ACAP2: variants seen among roughly 807,000 people sequenced by gnomAD.
ACAP2 encodes the protein ArfGAP with coiled-coil, ankyrin repeat and PH domains 2.
A neutral mutation model predicts 115.8 loss-of-function variants in ACAP2; 39 were observed. The ratio of observed to expected loss-of-function variants is 0.34; its 90% CI spans 0.26 to 0.44. The LOEUF (loss-of-function observed/expected upper bound fraction) is 0.44. Ranked by LOEUF, ACAP2 falls within the 20% of genes least tolerant of loss-of-function variation. The pLI, the probability that ACAP2 is intolerant of heterozygous loss-of-function variation, is 1.00. For synonymous variants in ACAP2, 289 were observed against 315.8 expected (o/e 0.92, Z 0.90); for missense variants, 662 against 927.6 (o/e 0.71, Z 3.72).
chr3:195,411,344 G>A (rs12497677), intron 1 of ACAP2, among the ~76,000 whole-genome samples: 3,331 of 152,200 alleles, frequency 0.022, 117 homozygotes, highest in East Asian at 0.1. Flanking sequence ...GTTCACAGCC[G>A]CATTATTCAC....
intron 6 of ACAP2, among the ~76,000 whole-genome samples, chr3:195,337,386 C>A (rs1049221872): frequency 1.3e-5 from 2 of 151,536 alleles, no homozygotes; most frequent in African/African-American, 4.9e-5. Flanking sequence ...ATGAATTAGT[C>A]TCTTCTCTGC....
In ACAP2 at chr3:195,333,033, C is replaced by T; in HGVS notation, c.664G>A (p.Ala222Thr). ...GAAATATACTGCAACATTACCTGTG[C>T]ACCAAGATCCTTCATGTAGGGTCCA... ...ELGPYMKDLGAQLDRLVVDAA... is the reference protein window; with the variant it reads ...ELGPYMKDLGTQLDRLVVDAA... Residue 222 changes from alanine to threonine, a missense_variant, in exon 8 of 23, where the codon GCA becomes ACA. Physicochemically the swap from Ala to Thr is moderately conservative, Grantham distance 58. Around this residue, in one of 3 missense-constraint regions of ACAP2, gnomAD observed 401 missense variants for 604.4 expected, o/e 0.66. Transcript: ENST00000326793. 1 of 1,598,094 alleles carries T rather than the reference C, an allele frequency of 6.3e-7. No homozygotes were observed. Among genetic ancestry groups the T allele is most frequent in the Non-Finnish European group, 8.5e-7 (1 of 1,171,638 alleles).
At position 195,307,264 on chromosome 3, in the gene ACAP2, G is replaced by C; in HGVS notation, c.969C>G (p.Asp323Glu). ...LRLCTVKHCE[D>E]IERRFCFEVV... is the part of the protein sequence containing the mutation. ...CCTCAAAGCAGAATCGTCGCTCTAT[G>C]TCTTCACAATGTTTCACTGTGCAAA... Residue 323 changes from aspartate (D) to glutamate (E), a missense_variant, in exon 12 of 23, where the codon GAC becomes GAG. By Grantham distance (45) the Asp-to-Glu change is conservative. Around this residue, in one of 3 missense-constraint regions of ACAP2, gnomAD observed 401 missense variants for 604.4 expected, o/e 0.66. Transcript: ENST00000326793. 6.2e-7 allele frequency: 1 copy of C among 1,613,524 alleles called. No homozygotes were observed. The highest frequency in any genetic ancestry group is 1.1e-5 in the South Asian group (1 of 91,052).
rs1209265777 is a variant in ACAP2 at position 195,442,865 on chromosome 3, G to A, written c.-18C>T. 2.0e-6 allele frequency: 3 copies of A among 1,512,810 alleles called. No individual in the cohort carries two copies. Among genetic ancestry groups the A allele is most frequent in the Admixed American group, 4.3e-5 (2 of 46,258 alleles). 93.7% of individuals were successfully genotyped at this position (1,512,810 alleles called of 1,614,324 possible). On this transcript the variant is annotated 5_prime_UTR_variant, in exon 1 of 23. Coordinates refer to ENST00000326793, the MANE Select transcript of ACAP2 (RefSeq NM_012287.6). ...ATCTTCATCCTGCCTCCGCCTCGCA[G>A]GCGGCGCTGGCAAAGCCGAGGGGGC...
intron 7 of ACAP2, 41 bp from the exon 8 acceptor site, chr3:195,333,164 TAG>T: frequency 9.5e-7 from 1 of 1,056,198 alleles, no homozygotes; most frequent in Non-Finnish European, 1.4e-6. Flanking sequence ...AATCTATTCC[TAG>T]ATAGACATTC....
intron 1 of ACAP2, among the ~76,000 whole-genome samples, chr3:195,402,267 G>A (rs1342602000): frequency 1.3e-5 from 2 of 152,042 alleles, no homozygotes; most frequent in African/African-American, 2.4e-5. Flanking sequence ...ACGCAAAATG[G>A]TGATCTCCCT....
In ACAP2 at chr3:195,279,170, A is replaced by G. The variant is rs1398256882; in HGVS notation, c.*158T>C. On this transcript the variant is annotated 3_prime_UTR_variant, in exon 23 of 23. Transcript: ENST00000326793. ...GTTCCTCTCCTACTACTAGATAACTATGTTTTAATTTATAAATATATGAAT... is the reference window on the plus strand; with the variant it reads ...GTTCCTCTCCTACTACTAGATAACTGTGTTTTAATTTATAAATATATGAAT... 2 of 526,682 alleles carry G rather than the reference A, an allele frequency of 3.8e-6. No individual in the cohort carries two copies. The highest frequency in any genetic ancestry group is 6.6e-6 in the Non-Finnish European group (2 of 303,476). 32.6% of individuals were successfully genotyped at this position (526,682 alleles called of 1,614,324 possible). A position where few individuals can be genotyped will look rare whatever the true frequency, so the allele number is the denominator to read the frequency against.
chr3:195,397,551 C>G (rs1241466662), intron 1 of ACAP2, among the ~76,000 whole-genome samples: 1 of 151,774 alleles, frequency 6.6e-6, no homozygotes, highest in Non-Finnish European at 1.5e-5. Flanking sequence ...GTTCTGGGTC[C>G]TCTATGCTGG....
intron 1 of ACAP2, among the ~76,000 whole-genome samples, chr3:195,412,404 A>AC (rs1214052871): frequency 1.3e-5 from 2 of 151,010 alleles, no homozygotes; most frequent in Admixed American, 6.6e-5. Flanking sequence ...ACATGGTGAA[A>AC]CCCCATCTCT....
chr3:195,288,455 T>C (rs760283444), intron 21 of ACAP2, among the ~76,000 whole-genome samples: 24 of 152,122 alleles, frequency 1.6e-4, no homozygotes, highest in Non-Finnish European at 1.0e-4. Context: ...GTTAGCACTG[T>C]GTGCAAGTAC....
chr3:195,424,939 A>T lies in ACAP2; in HGVS notation c.53+17856T>A, dbSNP rs868848493. Among the ~76,000 whole-genome samples, 784 of 126,668 alleles carry T rather than the reference A, an allele frequency of 6.2e-3. 22 individuals carry two copies. The highest frequency in any genetic ancestry group is 0.022 in the African/African-American group (751 of 34,216). 83.1% of individuals were successfully genotyped at this position (126,668 alleles called of 152,430 possible). ...TTAAAAAAAAAAAAAAAAAAAAAAA[A>T]AAAAAGGTTTTAAGAGTTGATTGCT... On this transcript the variant is annotated intron_variant, in intron 1 of 22. Coordinates refer to ENST00000326793, the MANE Select transcript of ACAP2 (RefSeq NM_012287.6).
At chr3:195,364,556 G>A (rs1209656490) in intron 4 of ACAP2, among the ~76,000 whole-genome samples, 1 of 152,070 alleles carries the variant, frequency 6.6e-6, no homozygotes, top group Non-Finnish European at 1.5e-5. Context: ...GGGTGACAGA[G>A]CAAGACTCTG....
intron 1 of ACAP2, among the ~76,000 whole-genome samples, chr3:195,403,371 C>A (rs532788765): frequency 6.6e-6 from 1 of 152,172 alleles, no homozygotes; most frequent in Non-Finnish European, 1.5e-5. Context: ...AAGGTCTGCA[C>A]CAGAGAAGAA....
intron 15 of ACAP2, among the ~76,000 whole-genome samples, chr3:195,298,522 T>C (rs1577254938): frequency 6.6e-6 from 1 of 152,118 alleles, no homozygotes; most frequent in African/African-American, 2.4e-5. Context: ...CCTCTCAAAG[T>C]GCTAGGATTA....
intron 1 of ACAP2, among the ~76,000 whole-genome samples, chr3:195,438,424 C>T (rs888303469): frequency 2.0e-5 from 3 of 152,042 alleles, no homozygotes; most frequent in Admixed American, 1.3e-4. Context: ...TCAGCCCTTA[C>T]CCACTGTATT....
Position 195,277,205 on chromosome 3 carries a change from G to A in ACAP2, c.*2123C>T, listed in dbSNP as rs1044923329. The A allele has an allele frequency of 3.9e-5, 6 of 152,138 alleles. No individual in the cohort carries two copies. The highest frequency in any genetic ancestry group is 1.4e-4 in the African/African-American group (6 of 41,438). The allele number at this position is 152,138 out of a possible 1,614,324, so 9.4% of individuals were successfully genotyped here. ...GATCTTTAGGAATTAAAACAGGAAG[G>A]GACACTATAAAGGAAAAGTGAGGTT... On this transcript the variant is annotated 3_prime_UTR_variant, in exon 23 of 23. Transcript: ENST00000326793.
chr3:195,342,968 C>A (rs1231117167), intron 5 of ACAP2, among the ~76,000 whole-genome samples: 3 of 150,900 alleles, frequency 2.0e-5, no homozygotes, highest in Non-Finnish European at 4.4e-5. Context: ...TATACTCCAG[C>A]CTGGTGACAG....
intron 4 of ACAP2, chr3:195,356,059 T>C: frequency 2.2e-6 from 1 of 455,780 alleles, no homozygotes; most frequent in Admixed American, 2.3e-5. Flanking sequence ...ATGTGAGCAA[T>C]CACAGTACCT....
At chr3:195,279,973 T>G (rs1176962989) in intron 22 of ACAP2, among the ~76,000 whole-genome samples, 1 of 150,794 alleles carries the variant, frequency 6.6e-6, no homozygotes, top group Non-Finnish European at 1.5e-5. Flanking sequence ...AATGCGTAAT[T>G]AAAACTAATG....
Sources: allele counts gnomAD v4.1 joint callset (sites outside exome capture counted in the v4.1 genomes callset), GRCh38; gene constraint gnomAD v4.1.1; regional missense constraint gnomAD v4.1.1; transcripts MANE v1.5; gene names NCBI Gene and HGNC (gene_info 2026-07-23, HGNC 2026-07-21).